CCDC85A: variants seen among roughly 807,000 people sequenced by gnomAD.
CCDC85A encodes coiled-coil domain containing 85A.
In CCDC85A, 38 loss-of-function variants were observed where a neutral mutation model predicts 50.2. The observed-to-expected ratio is 0.76, with a 90% CI of 0.58 to 0.99. CCDC85A has a LOEUF of 0.99. Ranked by LOEUF, CCDC85A falls within the 50% of genes least tolerant of loss-of-function variation. CCDC85A has a pLI of 0.00. For synonymous variants in CCDC85A, 366 were observed against 301.4 expected, an observed-to-expected ratio of 1.21 and a Z score of -2.22; for missense variants, 820 against 742.0, an observed-to-expected ratio of 1.11 and a Z score of -1.22.
chr2:56,296,500 T>C (rs1251157769), intron 2 of CCDC85A, among the ~76,000 whole-genome samples: 1 of 152,124 alleles, frequency 6.6e-6, no homozygotes, highest in Non-Finnish European at 1.5e-5. Flanking sequence ...CCTATTATTT[T>C]TTACTTACAT....
chr2:56,306,265 G>A (rs1672441426), intron 2 of CCDC85A, among the ~76,000 whole-genome samples: 1 of 151,994 alleles, frequency 6.6e-6, no homozygotes, highest in Non-Finnish European at 1.5e-5. Flanking sequence ...AAGTAGCTGC[G>A]ATTACAAGTG....
intron 2 of CCDC85A, among the ~76,000 whole-genome samples, chr2:56,268,302 G>GA (rs964654362): frequency 6.6e-6 from 1 of 151,822 alleles, no homozygotes; most frequent in Non-Finnish European, 1.5e-5. Flanking sequence ...ACCTTTCAAA[G>GA]AAAAAAAATG....
chr2:56,331,932 C>T (rs1035201782), intron 2 of CCDC85A, among the ~76,000 whole-genome samples: 5 of 152,168 alleles, frequency 3.3e-5, no homozygotes, highest in Admixed American at 6.5e-5. Context: ...GACTGCTGCC[C>T]CCTGCCCCCT....
chr2:56,185,041 C>A, intron 1 of CCDC85A, 141 bp downstream of exon 1: 11 of 1,021,646 alleles, frequency 1.1e-5, no homozygotes, highest in Non-Finnish European at 1.5e-5. Context: ...TACCCCCAGT[C>A]CCCAGCCCCT....
intron 3 of CCDC85A, among the ~76,000 whole-genome samples, chr2:56,359,297 C>G (rs1675400782): frequency 6.6e-6 from 1 of 152,102 alleles, no homozygotes; most frequent in Non-Finnish European, 1.5e-5. Context: ...TAGCTTTAGG[C>G]TGAGAACTTT....
At chr2:56,294,457 A>T (rs1313095324) in intron 2 of CCDC85A, among the ~76,000 whole-genome samples, 1 of 152,200 alleles carries the variant, frequency 6.6e-6, no homozygotes, top group East Asian at 1.9e-4. Flanking sequence ...ATTTTTAAAA[A>T]ATCAGATTTC....
At chr2:56,257,466 G>A (rs972467873) in intron 2 of CCDC85A, among the ~76,000 whole-genome samples, 3 of 152,106 alleles carry the variant, frequency 2.0e-5, no homozygotes, top group Non-Finnish European at 4.4e-5. Flanking sequence ...AGCATACGAC[G>A]AGGGGCCAAA....
At chr2:56,248,911 C>A (rs1158993374) in intron 2 of CCDC85A, among the ~76,000 whole-genome samples, 1 of 152,166 alleles carries the variant, frequency 6.6e-6, no homozygotes, top group Non-Finnish European at 1.5e-5. Context: ...AATCCATACC[C>A]TTAGCTACCA....
At chr2:56,329,637 G>A (rs1673666243) in intron 2 of CCDC85A, among the ~76,000 whole-genome samples, 1 of 152,050 alleles carries the variant, frequency 6.6e-6, no homozygotes, top group Non-Finnish European at 1.5e-5. Flanking sequence ...AACATTTCTC[G>A]ATTGTTACAT....
intron 2 of CCDC85A, among the ~76,000 whole-genome samples, chr2:56,249,300 G>T (rs1442976791): frequency 1.3e-5 from 2 of 152,244 alleles, no homozygotes; most frequent in African/African-American, 2.4e-5. Flanking sequence ...ATTTGGGAAA[G>T]AGGAGGAAAC....
intron 2 of CCDC85A, among the ~76,000 whole-genome samples, chr2:56,293,297 G>A (rs527237080): frequency 2.0e-5 from 3 of 152,178 alleles, no homozygotes; most frequent in Admixed American, 6.5e-5. Context: ...GAAACTGGAC[G>A]CCTTCCTTAC....
intron 4 of CCDC85A, among the ~76,000 whole-genome samples, chr2:56,372,722 A>G (rs143088699): frequency 6.6e-6 from 1 of 152,320 alleles, no homozygotes; most frequent in Non-Finnish European, 1.5e-5. Context: ...GAAGAACAAA[A>G]GTACCCTGGA....
intron 2 of CCDC85A, among the ~76,000 whole-genome samples, chr2:56,221,876 G>A (rs1668342470): frequency 6.6e-6 from 1 of 151,952 alleles, no homozygotes. Flanking sequence ...TACACTTCTG[G>A]AGGCTGGGAA....
chr2:56,357,968 C>G (rs1027609921), intron 3 of CCDC85A, among the ~76,000 whole-genome samples: 1 of 152,104 alleles, frequency 6.6e-6, no homozygotes, highest in Non-Finnish European at 1.5e-5. Flanking sequence ...CCATTCTGAC[C>G]CTGGCCCCCC....
At chr2:56,219,731 A>G (rs1162242233) in intron 2 of CCDC85A, among the ~76,000 whole-genome samples, 4 of 151,832 alleles carry the variant, frequency 2.6e-5, no homozygotes, top group Admixed American at 2.6e-4. Context: ...TAATATCTTA[A>G]CTTCACTTTG....
intron 2 of CCDC85A, among the ~76,000 whole-genome samples, chr2:56,297,907 G>A (rs1672028534): frequency 6.6e-6 from 1 of 152,154 alleles, no homozygotes; most frequent in Non-Finnish European, 1.5e-5. Context: ...GTTGTGAAAT[G>A]GTAGTATCTT....
chr2:56,337,773 A>G (rs952216449), intron 2 of CCDC85A, among the ~76,000 whole-genome samples: 3 of 149,702 alleles, frequency 2.0e-5, no homozygotes, highest in Non-Finnish European at 4.4e-5. Context: ...TTTCTTGAAT[A>G]TAGGCTCCTT....
intron 4 of CCDC85A, among the ~76,000 whole-genome samples, chr2:56,375,601 C>G (rs1299386482): frequency 2.6e-5 from 4 of 152,164 alleles, no homozygotes; most frequent in African/African-American, 9.7e-5. Context: ...GAGATGGCAT[C>G]TGACAATGTA....
At chr2:56,325,810 G>A (rs952110274) in intron 2 of CCDC85A, among the ~76,000 whole-genome samples, 1 of 152,100 alleles carries the variant, frequency 6.6e-6, no homozygotes, top group African/African-American at 2.4e-5. Context: ...GCCCACTAAT[G>A]ACTTAGCAGA....
Sources: gnomAD v4.1 joint callset for allele counts (sites outside exome capture counted in the v4.1 genomes callset) on GRCh38, gnomAD v4.1.1 for gene constraint, MANE v1.5 for transcripts, NCBI Gene and HGNC (gene_info 2026-07-23, HGNC 2026-07-21) for gene names.